Variants in PDZD2 observed in about 807,000 individuals in gnomAD.
The protein encoded by PDZD2 is PDZ domain-containing protein 2.
In PDZD2, 90 loss-of-function variants were observed where a neutral mutation model predicts 220.7. That is an observed-to-expected ratio of 0.41 (90% CI 0.34 to 0.49). The LOEUF (loss-of-function observed/expected upper bound fraction) is 0.49. Among genes scored for constraint, PDZD2 ranks in the 20% least tolerant of loss-of-function variants. PDZD2 has a pLI of 0.28. For synonymous variants in PDZD2, 1,375 were observed against 1,450.5 expected (o/e 0.95, Z 1.18); for missense variants, 3,174 against 3,608.5 (o/e 0.88, Z 3.08).
intron 1 of PDZD2, among the ~76,000 whole-genome samples, chr5:31,755,094 G>A (rs1038619808): frequency 6.6e-6 from 1 of 152,214 alleles, no homozygotes; most frequent in African/African-American, 2.4e-5. Context: ...CAGGGCAGCA[G>A]CAACCCGTGG....
At chr5:31,708,930 C>A (rs1486091823) in intron 1 of PDZD2, among the ~76,000 whole-genome samples, 3 of 151,714 alleles carry the variant, frequency 2.0e-5, no homozygotes, top group Admixed American at 6.6e-5. Flanking sequence ...CTCTGTCGCC[C>A]AGGCTGGAGA....
chr5:31,830,899 A>G (rs1756539247), intron 2 of PDZD2, among the ~76,000 whole-genome samples: 1 of 152,202 alleles, frequency 6.6e-6, no homozygotes, highest in Middle Eastern at 3.2e-3. Flanking sequence ...ATTCAGAGGC[A>G]TTGTGGCACA....
intron 1 of PDZD2, among the ~76,000 whole-genome samples, chr5:31,678,998 C>A (rs1021558376): frequency 2.0e-5 from 3 of 152,166 alleles, no homozygotes; most frequent in Non-Finnish European, 4.4e-5. Flanking sequence ...CACTCAACTA[C>A]TTTTTTTCTT....
intron 2 of PDZD2, among the ~76,000 whole-genome samples, chr5:31,939,942 C>G (rs1336882391): frequency 6.6e-6 from 1 of 152,196 alleles, no homozygotes; most frequent in Non-Finnish European, 1.5e-5. Flanking sequence ...ATTCTGAATT[C>G]AAGAAAACTT....
intron 1 of PDZD2, among the ~76,000 whole-genome samples, chr5:31,786,320 G>T (rs375807627): frequency 3.3e-5 from 5 of 152,318 alleles, no homozygotes; most frequent in African/African-American, 1.2e-4. Flanking sequence ...CCAAATTCAA[G>T]AGGCTGTGGG....
intron 1 of PDZD2, among the ~76,000 whole-genome samples, chr5:31,736,801 A>G (rs1007260228): frequency 2.6e-5 from 4 of 152,148 alleles, no homozygotes; most frequent in African/African-American, 9.7e-5. Flanking sequence ...TCTATCATGA[A>G]TGACTTGGGC....
chr5:31,825,268 G>A (rs750396788), intron 2 of PDZD2, among the ~76,000 whole-genome samples: 1 of 152,162 alleles, frequency 6.6e-6, no homozygotes, highest in Non-Finnish European at 1.5e-5. Context: ...CCACATGCCC[G>A]TACTACAGTT....
intron 23 of PDZD2, chr5:32,100,215 A>G (rs2111673532): frequency 6.4e-6 from 1 of 155,612 alleles, no homozygotes; most frequent in Middle Eastern, 3.4e-3. Flanking sequence ...ACGACAATGG[A>G]CTGGCCTTTA....
At chr5:31,794,665 C>A (rs936083276) in intron 1 of PDZD2, among the ~76,000 whole-genome samples, 1 of 152,006 alleles carries the variant, frequency 6.6e-6, no homozygotes, top group Non-Finnish European at 1.5e-5. Context: ...CCTGGGCCTC[C>A]CAAAGTTCTG....
At chr5:31,861,000 T>C (rs1580920500) in intron 2 of PDZD2, among the ~76,000 whole-genome samples, 2 of 152,072 alleles carry the variant, frequency 1.3e-5, no homozygotes, top group South Asian at 4.1e-4. Context: ...GAGACAAGCA[T>C]AGGAAAGAGC....
intron 6 of PDZD2, among the ~76,000 whole-genome samples, chr5:32,031,739 A>T (rs544104943): frequency 1.3e-5 from 2 of 152,246 alleles, no homozygotes; most frequent in South Asian, 4.1e-4. Flanking sequence ...ACTAAACCTT[A>T]CCTATATTCT....
intron 14 of PDZD2, among the ~76,000 whole-genome samples, chr5:32,066,603 A>G (rs771173377): frequency 3.3e-5 from 5 of 152,214 alleles, no homozygotes; most frequent in Non-Finnish European, 7.3e-5. Context: ...CACCTCGGGA[A>G]GCAGTCCAGT....
intron 2 of PDZD2, among the ~76,000 whole-genome samples, chr5:31,979,579 C>CA (rs10590418): frequency 1.5e-4 from 21 of 138,574 alleles, no homozygotes; most frequent in African/African-American, 4.3e-4. Context: ...GACTCTGTCT[C>CA]AAAAAAAAAA....
At chr5:32,031,088 G>A (rs1288081292) in intron 6 of PDZD2, among the ~76,000 whole-genome samples, 1 of 152,064 alleles carries the variant, frequency 6.6e-6, no homozygotes, top group Non-Finnish European at 1.5e-5. Context: ...TTCTGGGCCT[G>A]GAATTCCACT....
chr5:31,725,638 G>T (rs1749077509), intron 1 of PDZD2: 15 of 1,193,774 alleles, frequency 1.3e-5, no homozygotes, highest in Middle Eastern at 2.0e-4. Flanking sequence ...TTTTTTCCTT[G>T]ATTCCTTTTC....
At chr5:31,775,169 C>A (rs1752566690) in intron 1 of PDZD2, among the ~76,000 whole-genome samples, 2 of 152,184 alleles carry the variant, frequency 1.3e-5, no homozygotes, top group Admixed American at 1.3e-4. Context: ...TTGTCTTTCT[C>A]AAATTACTTA....
chr5:31,994,780 C>T (rs1364219437), intron 3 of PDZD2, among the ~76,000 whole-genome samples: 1 of 152,160 alleles, frequency 6.6e-6, no homozygotes, highest in Non-Finnish European at 1.5e-5. Flanking sequence ...AGCCAAAGCA[C>T]CTGGCCCTCA....
intron 14 of PDZD2, among the ~76,000 whole-genome samples, chr5:32,063,400 C>G (rs996183807): frequency 6.6e-6 from 1 of 152,138 alleles, no homozygotes; most frequent in Non-Finnish European, 1.5e-5. Flanking sequence ...GAGAGAAGAT[C>G]CTTCAGGTCT....
chr5:31,803,984 A>C (rs1048889355), intron 2 of PDZD2, among the ~76,000 whole-genome samples: 4 of 151,706 alleles, frequency 2.6e-5, no homozygotes, highest in African/African-American at 9.7e-5. Context: ...TCGAGGCTGC[A>C]GTGAGCCATG....
Sources: allele counts gnomAD v4.1 joint callset (sites outside exome capture counted in the v4.1 genomes callset), GRCh38; gene constraint gnomAD v4.1.1; transcripts MANE v1.5; gene names NCBI Gene and HGNC (gene_info 2026-07-23, HGNC 2026-07-21).